Variants in CNTNAP5 observed in about 807,000 individuals in gnomAD.
CNTNAP5 encodes contactin associated protein family member 5.
A neutral mutation model predicts 150.2 loss-of-function variants in CNTNAP5; 72 were observed. That is an observed-to-expected ratio of 0.48 (90% CI 0.40 to 0.58). CNTNAP5 has a LOEUF of 0.58. CNTNAP5 is among the 20% of genes least tolerant of loss of function. The probability of loss-of-function intolerance (pLI) is 0.00; values close to 1 mark genes in which losing one functional copy is unlikely to be tolerated. For synonymous variants in CNTNAP5, 672 were observed against 619.8 expected, an observed-to-expected ratio of 1.08 and a Z score of -1.25; for missense variants, 1,636 against 1,626.2, an observed-to-expected ratio of 1.01 and a Z score of -0.10.
intron 1 of CNTNAP5, among the ~76,000 whole-genome samples, chr2:124,045,152 A>T (rs1681493152): frequency 6.6e-6 from 1 of 152,158 alleles, no homozygotes; most frequent in Non-Finnish European, 1.5e-5. Context: ...CCACTTCAAG[A>T]TGCCTCAGGG....
intron 8 of CNTNAP5, among the ~76,000 whole-genome samples, chr2:124,512,567 C>A (rs1694616207): frequency 6.6e-6 from 1 of 152,092 alleles, no homozygotes; most frequent in Admixed American, 6.6e-5. Context: ...ATAGTCAAGG[C>A]AAATGGCTTA....
intron 1 of CNTNAP5, among the ~76,000 whole-genome samples, chr2:124,189,883 G>A (rs1009364881): frequency 1.3e-5 from 2 of 152,154 alleles, no homozygotes; most frequent in Admixed American, 6.5e-5. Context: ...TCAACCCCTC[G>A]GAAAGATGGT....
chr2:124,242,145 T>C (rs1686901672), intron 2 of CNTNAP5, 55 bp from the exon 3 acceptor site: 1 of 1,373,716 alleles, frequency 7.3e-7, no homozygotes, highest in African/African-American at 1.4e-5. Context: ...TTGAAAATTG[T>C]AGCTATGTGA....
At chr2:124,740,358 AG>A (rs1371973800) in intron 13 of CNTNAP5, among the ~76,000 whole-genome samples, 5 of 152,166 alleles carry the variant, frequency 3.3e-5, no homozygotes, top group Admixed American at 2.0e-4. Flanking sequence ...AGACTTAAAA[AG>A]ATGAGGCAGG....
At chr2:124,253,733 C>T (rs1361241285) in intron 3 of CNTNAP5, among the ~76,000 whole-genome samples, 1 of 152,144 alleles carries the variant, frequency 6.6e-6, no homozygotes, top group South Asian at 2.1e-4. Context: ...GGACTGGATA[C>T]TAATCAGGAT....
rs532495120 is a variant in CNTNAP5 at position 124,448,018 on chromosome 2, C to T, written c.918+1081C>T. Among the ~76,000 whole-genome samples, 337 of 152,122 alleles carry T rather than the reference C, an allele frequency of 2.2e-3. 1 individual carries two copies. The highest frequency in any genetic ancestry group is 3.9e-3 in the Non-Finnish European group (264 of 68,006). On this transcript the variant is annotated intron_variant, in intron 6 of 23. Transcript: ENST00000682447. ...GCATGGTGGCTCACACCTGTAATCT[C>T]AGCACTTTGGGAAACTGAGACCAGC...
At chr2:124,781,513 AGT>A (rs1340608276) in intron 17 of CNTNAP5, among the ~76,000 whole-genome samples, 1 of 152,176 alleles carries the variant, frequency 6.6e-6, no homozygotes, top group Non-Finnish European at 1.5e-5. Flanking sequence ...GTGCCCACTC[AGT>A]GTGTAGGAAG....
At chr2:124,459,655 G>A (rs1047291666) in intron 6 of CNTNAP5, among the ~76,000 whole-genome samples, 2 of 151,852 alleles carry the variant, frequency 1.3e-5, no homozygotes, top group African/African-American at 4.8e-5. Flanking sequence ...GGAAGCTGAG[G>A]GCTGAGGCAG....
intron 1 of CNTNAP5, among the ~76,000 whole-genome samples, chr2:124,164,608 C>T (rs1237217411): frequency 3.9e-5 from 6 of 152,102 alleles, no homozygotes; most frequent in Admixed American, 3.3e-4. Flanking sequence ...GACACTAAAA[C>T]ACCTTTGATT....
At chr2:124,167,691 GCTT>G in intron 1 of CNTNAP5, among the ~76,000 whole-genome samples, 1 of 152,172 alleles carries the variant, frequency 6.6e-6, no homozygotes, top group Admixed American at 6.6e-5. Flanking sequence ...CAGCTGAGCT[GCTT>G]CCTGCAGGGT....
chr2:124,823,743 C>T (rs555211205), intron 19 of CNTNAP5, among the ~76,000 whole-genome samples: 2 of 152,020 alleles, frequency 1.3e-5, no homozygotes, highest in Non-Finnish European at 2.9e-5. Flanking sequence ...TTGTAATAGC[C>T]ACAGAACCAT....
chr2:124,350,712 T>G (rs1689857081), intron 3 of CNTNAP5, among the ~76,000 whole-genome samples: 1 of 152,100 alleles, frequency 6.6e-6, no homozygotes, highest in Admixed American at 6.5e-5. Context: ...TAACAGAAAT[T>G]TATTGGAGAT....
intron 13 of CNTNAP5, among the ~76,000 whole-genome samples, chr2:124,711,848 A>C (rs568145351): frequency 6.6e-6 from 1 of 152,126 alleles, no homozygotes; most frequent in Non-Finnish European, 1.5e-5. Context: ...CTCAAAAAAA[A>C]CAATAACAAT....
chr2:124,734,028 T>G (rs1162165425), intron 13 of CNTNAP5, among the ~76,000 whole-genome samples: 2 of 152,118 alleles, frequency 1.3e-5, no homozygotes, highest in South Asian at 2.1e-4. Context: ...CATAGCAATG[T>G]GCTACTCGTT....
chr2:124,164,311 C>T (rs748453586), intron 1 of CNTNAP5, among the ~76,000 whole-genome samples: 7 of 152,170 alleles, frequency 4.6e-5, no homozygotes, highest in Non-Finnish European at 8.8e-5. Flanking sequence ...TGGCTATCTC[C>T]TCAAGGCATG....
At chr2:124,913,657 G>A (rs1678702566) in intron 23 of CNTNAP5, among the ~76,000 whole-genome samples, 1 of 152,076 alleles carries the variant, frequency 6.6e-6, no homozygotes. Flanking sequence ...GTTAAGATGT[G>A]AGATATTTAA....
At chr2:124,036,175 C>T (rs527408164) in intron 1 of CNTNAP5, among the ~76,000 whole-genome samples, 5 of 152,006 alleles carry the variant, frequency 3.3e-5, no homozygotes, top group African/African-American at 7.2e-5. Context: ...CCACCCGCCT[C>T]GGCCTCCCAA....
intron 10 of CNTNAP5, among the ~76,000 whole-genome samples, chr2:124,561,173 T>C: frequency 6.6e-6 from 1 of 151,990 alleles, no homozygotes; most frequent in East Asian, 1.9e-4. Flanking sequence ...ATGGAAAAAC[T>C]GGGCAGCTTC....
At chr2:124,590,542 G>A (rs113129466) in intron 11 of CNTNAP5, among the ~76,000 whole-genome samples, 2,849 of 152,132 alleles carry the variant, frequency 0.019, 32 homozygotes, top group Middle Eastern at 0.034. Context: ...CAAACCTACC[G>A]CACAAGGGGT....
Sources: gnomAD v4.1 joint callset for allele counts (sites outside exome capture counted in the v4.1 genomes callset) on GRCh38, gnomAD v4.1.1 for gene constraint, MANE v1.5 for transcripts, NCBI Gene and HGNC (gene_info 2026-07-23, HGNC 2026-07-21) for gene names.